FHIP1A: variants seen among roughly 807,000 people sequenced by gnomAD.
The protein encoded by FHIP1A is FHF complex subunit HOOK-interacting protein 1A.
A neutral mutation model predicts 88.6 loss-of-function variants in FHIP1A; 61 were observed. The observed-to-expected ratio is 0.69, with a 90% confidence interval of 0.56 to 0.85. The LOEUF (loss-of-function observed/expected upper bound fraction) is 0.85. Among genes scored for constraint, FHIP1A ranks in the 40% least tolerant of loss-of-function variants. The pLI is 0.00. For missense variants in FHIP1A, 1,154 were observed against 1,273.5 expected, an observed-to-expected ratio of 0.91 and a Z score of 1.43; for synonymous variants, 478 against 496.0, an observed-to-expected ratio of 0.96 and a Z score of 0.48.
intron 3 of FHIP1A, among the ~76,000 whole-genome samples, chr4:151,493,421 T>C (rs1730352603): frequency 6.6e-6 from 1 of 152,160 alleles, no homozygotes; most frequent in African/African-American, 2.4e-5. Context: ...CTACCAATCC[T>C]ACTGAAATGA....
At chr4:151,512,392 C>T (rs1033018499) in intron 3 of FHIP1A, among the ~76,000 whole-genome samples, 1 of 152,196 alleles carries the variant, frequency 6.6e-6, no homozygotes, top group Non-Finnish European at 1.5e-5. Context: ...AAAAGCAGAG[C>T]GCCGCTCCTC....
chr4:151,637,840 C>T (rs1477027944), intron 8 of FHIP1A, among the ~76,000 whole-genome samples: 1 of 152,144 alleles, frequency 6.6e-6, no homozygotes. Flanking sequence ...AGGCTAAGTA[C>T]AGCTCTTTCT....
At chr4:151,439,936 C>T (rs1580566325) in intron 1 of FHIP1A, among the ~76,000 whole-genome samples, 2 of 152,106 alleles carry the variant, frequency 1.3e-5, no homozygotes, top group Non-Finnish European at 2.9e-5. Context: ...GTCTCTATCT[C>T]CATGTTGAAT....
At chr4:151,549,120 G>A (rs1732622103) in intron 3 of FHIP1A, among the ~76,000 whole-genome samples, 1 of 152,094 alleles carries the variant, frequency 6.6e-6, no homozygotes, top group African/African-American at 2.4e-5. Context: ...GAGTAGTTTG[G>A]CAGGAAGGAC....
intron 5 of FHIP1A, among the ~76,000 whole-genome samples, chr4:151,583,618 G>T (rs1734103427): frequency 6.6e-6 from 1 of 152,158 alleles, no homozygotes. Context: ...GACAAATTAA[G>T]CCTGTCTTTA....
Position 151,620,841 on chromosome 4 carries a change from A to G in FHIP1A, c.979-8861A>G, listed in dbSNP as rs920810467. On this transcript the variant is annotated intron_variant, in intron 7 of 13. Transcript: ENST00000435205. ...GTTCTTAAGCATCAGAATTATGAAA[A>G]GATAGAAAGGGTCCCACCCTCCCTA... 4.6e-5 allele frequency among the ~76,000 whole-genome samples: 7 copies of G among 150,778 alleles called. No homozygotes were observed. The South Asian group carries it at 1.5e-3, about 32-fold the overall frequency.
At chr4:151,487,719 C>CT (rs1485468810) in intron 3 of FHIP1A, among the ~76,000 whole-genome samples, 5 of 152,192 alleles carry the variant, frequency 3.3e-5, no homozygotes, top group African/African-American at 9.7e-5. Flanking sequence ...TTACAAAATC[C>CT]TTTGAGATAC....
intron 2 of FHIP1A, among the ~76,000 whole-genome samples, chr4:151,467,464 C>A (rs996807088): frequency 5.9e-5 from 9 of 152,126 alleles, no homozygotes; most frequent in African/African-American, 1.7e-4. Context: ...CCCAGCAATC[C>A]CATTACTGGG....
chr4:151,565,867 T>C (rs1386241471), intron 3 of FHIP1A, among the ~76,000 whole-genome samples: 3 of 152,000 alleles, frequency 2.0e-5, no homozygotes, highest in African/African-American at 7.2e-5. Flanking sequence ...AATAGTAATT[T>C]TGGGGGGTTG....
At chr4:151,555,281 A>G (rs1732902889) in intron 3 of FHIP1A, among the ~76,000 whole-genome samples, 1 of 152,166 alleles carries the variant, frequency 6.6e-6, no homozygotes, top group Non-Finnish European at 1.5e-5. Flanking sequence ...TTGTTCTTTC[A>G]AAAAACATAC....
At chr4:151,660,074 G>A in intron 13 of FHIP1A, among the ~76,000 whole-genome samples, 1 of 152,356 alleles carries the variant, frequency 6.6e-6, no homozygotes, top group East Asian at 1.9e-4. Flanking sequence ...GATGGAAACA[G>A]ACATTTTATG....
chr4:151,513,842 A>G (rs991440657), intron 3 of FHIP1A, among the ~76,000 whole-genome samples: 2 of 150,766 alleles, frequency 1.3e-5, no homozygotes, highest in African/African-American at 4.9e-5. Flanking sequence ...AGACTCCCAC[A>G]CAATAATAAT....
intron 2 of FHIP1A, among the ~76,000 whole-genome samples, chr4:151,463,866 C>A (rs773929448): frequency 1.3e-5 from 2 of 152,076 alleles, no homozygotes; most frequent in Non-Finnish European, 2.9e-5. Context: ...CTGAGTTTTT[C>A]TATTTTTTAC....
At chr4:151,619,557 A>G (rs1408214507) in intron 7 of FHIP1A, among the ~76,000 whole-genome samples, 1 of 152,244 alleles carries the variant, frequency 6.6e-6, no homozygotes, top group Non-Finnish European at 1.5e-5. Context: ...GTTTGAAAAC[A>G]CTGAATGGGA....
rs184226445 is a variant in FHIP1A, at chr4:151,665,800, G to A, written c.*3046G>A. 4.7e-4 allele frequency among the ~76,000 whole-genome samples: 72 copies of A among 152,334 alleles called. 1 individual carries two copies. The highest frequency in any genetic ancestry group is 1.7e-3 in the African/African-American group (70 of 41,580). On this transcript the variant is annotated 3_prime_UTR_variant, in exon 14 of 14. Coordinates refer to ENST00000435205, the MANE Select transcript of FHIP1A (RefSeq NM_001109977.3). ...AATATCTTTTTTTATAATGAGTTGG[G>A]GGGAAAATCTTAAATATGTTTGGCA... is the stretch of plus-strand genomic sequence containing the variant.
At position 151,669,607 on chromosome 4, in the gene FHIP1A, C is replaced by G. The variant is rs1401624240; in HGVS notation, c.*6853C>G. Among the ~76,000 whole-genome samples the G allele has an allele frequency of 6.6e-6, 1 of 152,124 alleles. No individual in the cohort carries two copies. The highest frequency in any genetic ancestry group is 1.5e-5 in the Non-Finnish European group (1 of 68,038). ...TTTGCCCATTTGTAATTCAGACTTGCAGAGTGAGGAGAGAACTGCTTCAGC... is the reference window on the plus strand; with the variant it reads ...TTTGCCCATTTGTAATTCAGACTTGGAGAGTGAGGAGAGAACTGCTTCAGC... On this transcript the variant is annotated 3_prime_UTR_variant, in exon 14 of 14. Coordinates refer to ENST00000435205, the MANE Select transcript of FHIP1A (RefSeq NM_001109977.3).
chr4:151,453,555 A>G (rs1728868739), intron 1 of FHIP1A, among the ~76,000 whole-genome samples: 1 of 152,222 alleles, frequency 6.6e-6, no homozygotes, highest in African/African-American at 2.4e-5. Context: ...ATGTGTGTAA[A>G]GTATTCAGAA....
chr4:151,493,868 T>A (rs1327868705), intron 3 of FHIP1A, among the ~76,000 whole-genome samples: 1 of 152,188 alleles, frequency 6.6e-6, no homozygotes, highest in African/African-American at 2.4e-5. Context: ...GCCAACATTA[T>A]ACTGAATGGG....
intron 3 of FHIP1A, among the ~76,000 whole-genome samples, chr4:151,489,878 C>A (rs1272955710): frequency 6.6e-6 from 1 of 152,124 alleles, no homozygotes; most frequent in African/African-American, 2.4e-5. Context: ...TTTTTCCTCT[C>A]CCCGCCCTAG....
Sources: allele counts gnomAD v4.1 joint callset (sites outside exome capture counted in the v4.1 genomes callset), GRCh38; gene constraint gnomAD v4.1.1; transcripts MANE v1.5; gene names NCBI Gene and HGNC (gene_info 2026-07-23, HGNC 2026-07-21).